Variants in SYAP1 observed in about 807,000 individuals in gnomAD.
SYAP1 encodes synapse-associated protein 1.
A neutral mutation model predicts 29.6 loss-of-function variants in SYAP1; 3 were observed. The observed-to-expected ratio is 0.10, with a 90% CI of 0.05 to 0.26. The LOEUF is 0.26. SYAP1 is among the 10% of genes least tolerant of loss of function. The probability of loss-of-function intolerance (pLI) is 1.00; values close to 1 mark genes in which losing one functional copy is unlikely to be tolerated. For synonymous variants in SYAP1, 102 were observed against 102.7 expected (o/e 0.99, Z 0.04); for missense variants, 217 against 264.1 (o/e 0.82, Z 1.24).
chrX:16,751,148 A>G (rs1926720701), intron 5 of SYAP1, among the ~76,000 whole-genome samples: 1 of 109,858 alleles, frequency 9.1e-6, no homozygotes, highest in African/African-American at 3.3e-5. Flanking sequence ...AGAACCTTGC[A>G]TCCCTTCTAA....
intron 1 of SYAP1, among the ~76,000 whole-genome samples, chrX:16,728,732 G>A (rs762495819): frequency 1.1e-3 from 123 of 109,678 alleles, no homozygotes; most frequent in African/African-American, 3.8e-3. Context: ...AAAGGTTTTC[G>A]GGTAGCCATA....
At chrX:16,723,207 A>G (rs1394581296) in intron 1 of SYAP1, among the ~76,000 whole-genome samples, 1 of 111,308 alleles carries the variant, frequency 9.0e-6, no homozygotes, top group Non-Finnish European at 1.9e-5. Flanking sequence ...AACTAAGAGG[A>G]CTCCTAAAGT....
intron 1 of SYAP1, among the ~76,000 whole-genome samples, chrX:16,726,683 A>G (rs369956098): frequency 9.0e-6 from 1 of 111,111 alleles, no homozygotes; most frequent in Non-Finnish European, 1.9e-5. Context: ...TCGTAGGGAG[A>G]TGGGGCATCA....
intron 3 of SYAP1, among the ~76,000 whole-genome samples, chrX:16,739,270 G>C (rs1015432240): frequency 9.0e-6 from 1 of 110,748 alleles, no homozygotes; most frequent in South Asian, 3.9e-4. Flanking sequence ...TGAAGCGTGT[G>C]CTCATCTGCC....
chrX:16,748,646 C>T (rs1226725280), intron 5 of SYAP1, among the ~76,000 whole-genome samples: 3 of 112,391 alleles, frequency 2.7e-5, no homozygotes, highest in East Asian at 5.5e-4. Flanking sequence ...TGACATTTGT[C>T]CAGTGTTTCC....
At chrX:16,743,951 C>A in intron 5 of SYAP1, 111 bp downstream of exon 5, 1 of 902,777 alleles carries the variant, frequency 1.1e-6, no homozygotes, top group Non-Finnish European at 1.5e-6. Context: ...AAAAGCAGGC[C>A]CCGCAGCCCT....
intron 5 of SYAP1, among the ~76,000 whole-genome samples, chrX:16,744,921 A>T (rs1926562777): frequency 8.9e-6 from 1 of 112,165 alleles, no homozygotes; most frequent in South Asian, 3.7e-4. Flanking sequence ...AGCCATGATC[A>T]CGCCACTGGC....
At chrX:16,758,236 G>T (rs2147438981) in intron 8 of SYAP1, among the ~76,000 whole-genome samples, 1 of 108,422 alleles carries the variant, frequency 9.2e-6, no homozygotes, top group East Asian at 2.9e-4. Context: ...GTAGAGATGG[G>T]GTCTTGCCAG....
intron 8 of SYAP1, among the ~76,000 whole-genome samples, chrX:16,759,069 G>A (rs1323360293): frequency 2.8e-5 from 3 of 108,035 alleles, no homozygotes; most frequent in Admixed American, 2.0e-4. Flanking sequence ...GTGGGTGCCT[G>A]TAGTCCCAGC....
intron 1 of SYAP1, among the ~76,000 whole-genome samples, chrX:16,722,681 G>C (rs977497558): frequency 1.6e-4 from 18 of 111,086 alleles, no homozygotes; most frequent in Non-Finnish European, 3.4e-4. Context: ...GGACACCCAG[G>C]CCTGCATTCC....
intron 1 of SYAP1, among the ~76,000 whole-genome samples, chrX:16,734,853 GC>G (rs906563544): frequency 3.7e-5 from 4 of 108,913 alleles, no homozygotes; most frequent in African/African-American, 1.3e-4. Context: ...AAAAAAATTA[GC>G]CGGGCATGGT....
chrX:16,745,619 T>A (rs1002756661), intron 5 of SYAP1, among the ~76,000 whole-genome samples: 2 of 108,326 alleles, frequency 1.8e-5, no homozygotes, highest in Non-Finnish European at 3.8e-5. Flanking sequence ...GCCTGTAATC[T>A]CAGCTACTCG....
intron 5 of SYAP1, among the ~76,000 whole-genome samples, chrX:16,753,200 C>T (rs1348807649): frequency 4.8e-5 from 5 of 104,089 alleles, no homozygotes; most frequent in Non-Finnish European, 7.8e-5. Context: ...GCCAAGATCG[C>T]GCCACTGCAC....
Position 16,762,365 on chromosome X carries a change from C to G in SYAP1, c.*2006C>G, listed in dbSNP as rs1293247775. The G allele has an allele frequency of 9.0e-6, 1 of 111,287 alleles. No individual in the cohort carries two copies. The highest frequency in any genetic ancestry group is 3.3e-5 in the African/African-American group (1 of 30,605). 9.2% of individuals were successfully genotyped at this position (111,287 alleles called of 1,213,427 possible). ...AGAGGTGTGTGACAGTTATTGCTAT[C>G]AATTTTACATAATATCTCATTTAAA... On this transcript the variant is annotated 3_prime_UTR_variant, in exon 9 of 9. Transcript: ENST00000380155.
intron 4 of SYAP1, 143 bp from the exon 5 acceptor site, chrX:16,743,558 C>G (rs1926523339): frequency 2.1e-6 from 1 of 470,429 alleles, no homozygotes; most frequent in African/African-American, 2.4e-5. Context: ...TGCTTGAATC[C>G]AGGAGGTGGA....
rs778978431 is a variant in SYAP1 at position 16,743,893 on chromosome X, A to G, written c.575+53A>G. ...TCATGGCCTCCATTATGTGCTCAGTATCAGCACATAATGATGGAAGGGGCC... is the reference window on the plus strand; with the variant it reads ...TCATGGCCTCCATTATGTGCTCAGTGTCAGCACATAATGATGGAAGGGGCC... On this transcript the variant is annotated intron_variant, in intron 5 of 8. Transcript: ENST00000380155. 2.1e-4 allele frequency: 246 copies of G among 1,148,725 alleles called. 2 individuals are homozygous for G. The Middle Eastern group carries it at 4.7e-3, about 22-fold the overall frequency. The allele number at this position is 1,148,725 out of a possible 1,213,427, so 94.7% of individuals were successfully genotyped here. A position where few individuals can be genotyped will look rare whatever the true frequency, so the allele number is the denominator to read the frequency against.
intron 1 of SYAP1, among the ~76,000 whole-genome samples, chrX:16,720,681 C>T (rs1436427037): frequency 8.9e-6 from 1 of 111,949 alleles, no homozygotes; most frequent in African/African-American, 3.3e-5. Flanking sequence ...TAGTAATTCT[C>T]ATTTCTGGAG....
rs1400517617 is a variant in SYAP1, at chrX:16,719,653, G to A, written c.-72G>A. Reference sequence around the variant, plus strand: ...GACATCTCCCTGGGAGTCGCGCAGAGTGGAGTCAAAGGCAACCAGTGCTCG... The same window carrying A: ...GACATCTCCCTGGGAGTCGCGCAGAATGGAGTCAAAGGCAACCAGTGCTCG... On this transcript the variant is annotated 5_prime_UTR_variant, in exon 1 of 9. It adds an upstream start codon to the 5' untranslated region. Transcript: ENST00000380155. 1 of 1,114,632 alleles carries A rather than the reference G, an allele frequency of 9.0e-7. No homozygotes were observed. Among genetic ancestry groups the A allele is most frequent in the Non-Finnish European group, 1.2e-6 (1 of 838,159 alleles). 91.9% of individuals were successfully genotyped at this position (1,114,632 alleles called of 1,213,427 possible).
rs900639417 is a variant in SYAP1 at position 16,762,285 on chromosome X, G to T, written c.*1926G>T. 1.8e-5 allele frequency: 2 copies of T among 111,381 alleles called. No individual in the cohort carries two copies. Among genetic ancestry groups the T allele is most frequent in the Non-Finnish European group, 3.8e-5 (2 of 53,138 alleles). 9.2% of individuals were successfully genotyped at this position (111,381 alleles called of 1,213,427 possible). On this transcript the variant is annotated 3_prime_UTR_variant, in exon 9 of 9. Transcript: ENST00000380155. ...ACTAAAATTCTTATTGATAAATGTTGAATAAACACACACAAAAAAGTATCA... is the reference window on the plus strand; with the variant it reads ...ACTAAAATTCTTATTGATAAATGTTTAATAAACACACACAAAAAAGTATCA...
Sources: gnomAD v4.1 joint callset for allele counts (sites outside exome capture counted in the v4.1 genomes callset) on GRCh38, gnomAD v4.1.1 for gene constraint, MANE v1.5 for transcripts, NCBI Gene and HGNC (gene_info 2026-07-23, HGNC 2026-07-21) for gene names.